The following ITPR2 variants were observed in gnomAD, a reference collection of about 807,000 sequenced individuals.
ITPR2 encodes the protein inositol 1,4,5-trisphosphate-gated calcium channel ITPR2.
Under a neutral mutation model 317.1 loss-of-function variants are expected in ITPR2, and 207 were observed. The observed-to-expected ratio is 0.65, with a 90% CI of 0.58 to 0.73. The LOEUF (loss-of-function observed/expected upper bound fraction) is 0.73. Ranked by LOEUF, ITPR2 falls within the 30% of genes least tolerant of loss-of-function variation. ITPR2 has a pLI of 0.00. For synonymous variants in ITPR2, 1,156 were observed against 1,149.1 expected, an observed-to-expected ratio of 1.01 and a Z score of -0.12; for missense variants, 2,613 against 3,284.0, an observed-to-expected ratio of 0.80 and a Z score of 4.99.
chr12:26,535,098 G>T (rs2136968269), intron 37 of ITPR2, among the ~76,000 whole-genome samples: 1 of 152,158 alleles, frequency 6.6e-6, no homozygotes, highest in Non-Finnish European at 1.5e-5. Flanking sequence ...ACCTTAATTT[G>T]ATTTTTATGT....
At chr12:26,766,635 T>C (rs1949724949) in intron 2 of ITPR2, among the ~76,000 whole-genome samples, 2 of 152,198 alleles carry the variant, frequency 1.3e-5, no homozygotes, top group Admixed American at 6.5e-5. Context: ...AAGTCCAGTT[T>C]ATCCATTTTT....
chr12:26,784,270 T>TCGCCCTCGCCCTCG (rs1565762101), intron 2 of ITPR2, among the ~76,000 whole-genome samples: 3 of 49,104 alleles, frequency 6.1e-5, no homozygotes, highest in Non-Finnish European at 1.1e-4. Context: ...CCTCTCCCTC[T>TCGCCCTCGCCCTCG]CCCTCTCCCT....
At chr12:26,559,017 C>T (rs1944741338) in intron 35 of ITPR2, among the ~76,000 whole-genome samples, 2 of 152,196 alleles carry the variant, frequency 1.3e-5, no homozygotes, top group South Asian at 2.1e-4. Flanking sequence ...ATTCATCCAC[C>T]AAGTTCTATT....
intron 1 of ITPR2, among the ~76,000 whole-genome samples, chr12:26,798,932 G>A (rs972092308): frequency 6.6e-6 from 1 of 152,168 alleles, no homozygotes; most frequent in Non-Finnish European, 1.5e-5. Context: ...GATGACAAGA[G>A]GAGTTAAGTG....
chr12:26,605,550 A>T (rs973088553), intron 26 of ITPR2, among the ~76,000 whole-genome samples: 1 of 152,208 alleles, frequency 6.6e-6, no homozygotes, highest in African/African-American at 2.4e-5. Context: ...GAAAGCTGTT[A>T]AAAAGGCAGG....
At chr12:26,750,866 T>C (rs572301833) in intron 2 of ITPR2, among the ~76,000 whole-genome samples, 1 of 152,338 alleles carries the variant, frequency 6.6e-6, no homozygotes, top group Admixed American at 6.5e-5. Context: ...CTAAAAACTT[T>C]AGAGATCAGG....
At chr12:26,638,920 A>G (rs889316506) in intron 21 of ITPR2, among the ~76,000 whole-genome samples, 2 of 152,234 alleles carry the variant, frequency 1.3e-5, no homozygotes, top group African/African-American at 4.8e-5. Context: ...GTAAAAGAAA[A>G]CAAATTAGAA....
intron 10 of ITPR2, among the ~76,000 whole-genome samples, chr12:26,687,728 G>A (rs1391193822): frequency 6.6e-6 from 1 of 152,042 alleles, no homozygotes; most frequent in Non-Finnish European, 1.5e-5. Context: ...ATGGGCAGAG[G>A]GAACTGCCAG....
rs189816301 is a variant in ITPR2, at chr12:26,424,750, C to T, written c.6945+3163G>A. Among the ~76,000 whole-genome samples the T allele has an allele frequency of 2.0e-3, 307 of 151,200 alleles. 2 individuals are homozygous for T. The highest frequency in any genetic ancestry group is 7.4e-3 in the African/African-American group (303 of 41,182). ...GATTACAGGCACGAGCCACCATGAC[C>T]AGCTAATTTTTGTTTTGTTTTGTTT... On this transcript the variant is annotated intron_variant, in intron 49 of 56. Transcript: ENST00000381340.
At chr12:26,720,432 T>C (rs1418471001) in intron 5 of ITPR2, among the ~76,000 whole-genome samples, 1 of 152,200 alleles carries the variant, frequency 6.6e-6, no homozygotes, top group Non-Finnish European at 1.5e-5. Flanking sequence ...GGTTATGAAG[T>C]GACCGTATTT....
At position 26,378,265 on chromosome 12, in the gene ITPR2, G is replaced by C. The variant is rs181948585; in HGVS notation, c.7857+9169C>G. On this transcript the variant is annotated intron_variant, in intron 55 of 56. Transcript: ENST00000381340. ...AAGTAACGGGAATGGGGATGTCAGG[G>C]AAGGCACAGACATGCAAAGAGCCAG... Among the ~76,000 whole-genome samples the C allele has an allele frequency of 1.1e-4, 16 of 152,068 alleles. No homozygotes were observed. The East Asian group carries it at 2.7e-3, about 26-fold the overall frequency.
At chr12:26,502,510 C>G (rs1943092405) in intron 37 of ITPR2, among the ~76,000 whole-genome samples, 1 of 152,192 alleles carries the variant, frequency 6.6e-6, no homozygotes, top group Non-Finnish European at 1.5e-5. Context: ...CCCTGGTACA[C>G]AGTATAAAAA....
At chr12:26,466,492 AC>A (rs1942174270) in intron 45 of ITPR2, among the ~76,000 whole-genome samples, 1 of 152,210 alleles carries the variant, frequency 6.6e-6, no homozygotes, top group Non-Finnish European at 1.5e-5. Flanking sequence ...CTAATTATAC[AC>A]ATGCATTTCT....
intron 30 of ITPR2, among the ~76,000 whole-genome samples, chr12:26,598,384 C>G (rs1303840477): frequency 6.6e-6 from 1 of 152,038 alleles, no homozygotes; most frequent in Non-Finnish European, 1.5e-5. Context: ...GCCCAGAAAC[C>G]AATAAAAATC....
chr12:26,346,940 A>G (rs567631246), intron 55 of ITPR2, among the ~76,000 whole-genome samples: 2 of 152,218 alleles, frequency 1.3e-5, no homozygotes, highest in South Asian at 4.2e-4. Flanking sequence ...TTGAGAGAAG[A>G]TTGAGCTTGC....
chr12:26,474,516 G>A (rs1440496165), intron 45 of ITPR2, among the ~76,000 whole-genome samples: 1 of 152,122 alleles, frequency 6.6e-6, no homozygotes, highest in Non-Finnish European at 1.5e-5. Flanking sequence ...TTTAAAGGCC[G>A]GGCGCGGTGG....
intron 2 of ITPR2, among the ~76,000 whole-genome samples, chr12:26,746,397 C>A (rs1270409920): frequency 1.3e-5 from 2 of 152,204 alleles, no homozygotes; most frequent in African/African-American, 4.8e-5. Flanking sequence ...TCAGGAAGCC[C>A]TGGACGTGAG....
intron 32 of ITPR2, among the ~76,000 whole-genome samples, chr12:26,583,711 G>A (rs1314937435): frequency 6.6e-6 from 1 of 152,068 alleles, no homozygotes; most frequent in African/African-American, 2.4e-5. Flanking sequence ...GGTTACCTGA[G>A]GTTTGTCTTA....
intron 2 of ITPR2, among the ~76,000 whole-genome samples, chr12:26,734,373 C>T (rs183263665): frequency 2.0e-5 from 3 of 152,244 alleles, no homozygotes; most frequent in Admixed American, 6.5e-5. Flanking sequence ...TTCCCAGATT[C>T]CTTGCTGAAA....
Sources: gnomAD v4.1 joint callset for allele counts (sites outside exome capture counted in the v4.1 genomes callset) on GRCh38, gnomAD v4.1.1 for gene constraint, MANE v1.5 for transcripts, NCBI Gene and HGNC (gene_info 2026-07-23, HGNC 2026-07-21) for gene names.